FBXO25: variants seen among roughly 807,000 people sequenced by gnomAD.
FBXO25 encodes the protein F-box protein 25, also known as F-box only protein 25.
FBXO25 carries 45 observed loss-of-function variants against 51.9 expected under a neutral mutation model. That is an observed-to-expected ratio of 0.87 (90% confidence interval 0.68 to 1.11). The LOEUF is 1.11. Ranked by LOEUF, FBXO25 falls within the 50% of genes most tolerant of loss-of-function variation. FBXO25 has a pLI of 0.00. For synonymous variants in FBXO25, 199 were observed against 151.0 expected (o/e 1.32, Z -2.33); for missense variants, 507 against 428.5 (o/e 1.18, Z -1.62).
intron 5 of FBXO25, among the ~76,000 whole-genome samples, chr8:444,963 A>T (rs562600437): frequency 1.2e-4 from 19 of 152,246 alleles, no homozygotes; most frequent in Non-Finnish European, 2.1e-4. Flanking sequence ...CCATGACTGT[A>T]TAAAAAACTT....
At chr8:426,599 ATTG>A (rs1358327550) in intron 2 of FBXO25, among the ~76,000 whole-genome samples, 2 of 152,024 alleles carry the variant, frequency 1.3e-5, no homozygotes, top group South Asian at 4.2e-4. Context: ...TGTGGGAGGC[ATTG>A]TTTTGTGTAC....
rs1800608534 is a variant in FBXO25, at chr8:475,251, T to TA, written c.*6448dup. The TA allele has an allele frequency of 3.7e-6, 1 of 268,270 alleles. No homozygotes were observed. The highest frequency in any genetic ancestry group is 2.3e-5 in the African/African-American group (1 of 43,330). The allele number at this position is 268,270 out of a possible 1,614,324, so 16.6% of individuals were successfully genotyped here. A position where few individuals can be genotyped will look rare whatever the true frequency, so the allele number is the denominator to read the frequency against. On this transcript the variant is annotated 3_prime_UTR_variant, in exon 10 of 10. Transcript: ENST00000350302. ...GCACCATCAAAAATCATTTGACCCA[T>TA]ATGTGCAAGGGTTTATTTGGGGATT...
chr8:442,024 C>A (rs1352070416), intron 5 of FBXO25, among the ~76,000 whole-genome samples: 2 of 152,128 alleles, frequency 1.3e-5, no homozygotes. Flanking sequence ...AATGACCTGG[C>A]AAATTAGATG....
chr8:465,157 C>G (rs985609815), intron 9 of FBXO25, among the ~76,000 whole-genome samples: 2 of 151,986 alleles, frequency 1.3e-5, no homozygotes, highest in African/African-American at 4.8e-5. Context: ...GTCCAGGTTC[C>G]CAGCCAGCTT....
In FBXO25 at chr8:451,421, C is replaced by T; in HGVS notation, c.628C>T (p.Gln210Ter). 1 of 1,613,836 alleles carries T rather than the reference C, an allele frequency of 6.2e-7. No individual in the cohort carries two copies. Among genetic ancestry groups the T allele is most frequent in the Non-Finnish European group, 8.5e-7 (1 of 1,179,902 alleles). The stretch of plus-strand genomic sequence containing the variant: ...CCGATTAGAAACTATTCTCGCCTGG[C>T]AACAACAGCTACAGGATCTTCAGAT... ...ICRLETILAW[Q>*]QQLQDLQMTK... Residue 210 changes from glutamine (Q) to a stop codon, truncating the protein, a stop_gained, in exon 7 of 10, where the codon CAA becomes TAA. Coordinates refer to ENST00000350302, the MANE Select transcript of FBXO25 (RefSeq NM_183420.2). LOFTEE classifies it high-confidence loss of function.
chr8:435,842 C>T, intron 5 of FBXO25, 135 bp downstream of exon 5: 4 of 1,290,640 alleles, frequency 3.1e-6, no homozygotes, highest in Non-Finnish European at 4.2e-6. Context: ...AATCAAAAAA[C>T]AGAAGGGAAC....
rs2117613284 is a variant in FBXO25, at chr8:431,376, A to C, written c.170A>C (p.Asn57Thr). Residue 57 changes from asparagine to threonine, a missense_variant, in exon 3 of 10, where the codon AAT becomes ACT. Physicochemically the swap from Asn to Thr is moderately conservative, Grantham distance 65 (BLOSUM62 0). Coordinates refer to ENST00000350302, the MANE Select transcript of FBXO25 (RefSeq NM_183420.2). ...LNSEDGEIFN[N>T]EEHEYASKKR... ...AGTGAAGATGGAGAAATATTCAATA[A>C]TGAAGAGCATGAATATGCATCGAAA... 1 of 1,547,376 alleles carries C rather than the reference A, an allele frequency of 6.5e-7. No individual in the cohort carries two copies. Among genetic ancestry groups the C allele is most frequent in the Non-Finnish European group, 8.7e-7 (1 of 1,144,406 alleles).
intron 2 of FBXO25, 55 bp downstream of exon 2, chr8:413,268 T>C (rs1051428540): frequency 1.4e-6 from 2 of 1,434,754 alleles, no homozygotes; most frequent in Non-Finnish European, 1.8e-6. Flanking sequence ...TGTATGGCCT[T>C]ACCTATTTTT....
chr8:409,305 A>G (rs995002712), intron 1 of FBXO25, among the ~76,000 whole-genome samples: 3 of 152,242 alleles, frequency 2.0e-5, no homozygotes, highest in African/African-American at 7.2e-5. Context: ...TGTGAAGCAC[A>G]CACATCTTCA....
chr8:443,912 A>G (rs1253415529), intron 5 of FBXO25, among the ~76,000 whole-genome samples: 2 of 152,232 alleles, frequency 1.3e-5, no homozygotes, highest in Non-Finnish European at 2.9e-5. Flanking sequence ...CACACAGGCT[A>G]GCTGGGAAGC....
At chr8:461,447 G>C (rs7829356) in intron 8 of FBXO25, among the ~76,000 whole-genome samples, 16,908 of 152,186 alleles carry the variant, frequency 0.11, 1,050 homozygotes, top group Middle Eastern at 0.18. Context: ...GCATGTGCAG[G>C]GGAACTGCCC....
At chr8:417,686 C>T (rs1270586586) in intron 2 of FBXO25, among the ~76,000 whole-genome samples, 4 of 152,218 alleles carry the variant, frequency 2.6e-5, no homozygotes, top group Non-Finnish European at 5.9e-5. Context: ...TAATGCATTG[C>T]ATGTTCATCC....
At chr8:451,243 CAT>C in intron 6 of FBXO25, 24 bp from the exon 7 acceptor site, 1 of 1,571,966 alleles carries the variant, frequency 6.4e-7, no homozygotes, top group African/African-American at 1.4e-5. Context: ...TGTATCAATC[CAT>C]AGTTTTATTT....
Position 469,375 on chromosome 8 carries a change from C to T in FBXO25, c.*571C>T, listed in dbSNP as rs1781749899. On this transcript the variant is annotated 3_prime_UTR_variant, in exon 10 of 10. Coordinates refer to ENST00000350302, the MANE Select transcript of FBXO25 (RefSeq NM_183420.2). The stretch of plus-strand genomic sequence containing the variant: ...TATGGATCGGGGTATGAAGTGTGCA[C>T]ACGCAGCCCAACAACGGGCAGTGGT... The T allele has an allele frequency of 6.6e-6, 1 of 152,462 alleles. No individual in the cohort carries two copies. Among genetic ancestry groups the T allele is most frequent in the Non-Finnish European group, 1.5e-5 (1 of 68,282 alleles). 9.4% of individuals were successfully genotyped at this position (152,462 alleles called of 1,614,324 possible). A position where few individuals can be genotyped will look rare whatever the true frequency, so the allele number is the denominator to read the frequency against.
chr8:466,465 C>G (rs539826513), intron 9 of FBXO25, among the ~76,000 whole-genome samples: 1 of 152,336 alleles, frequency 6.6e-6, no homozygotes, highest in African/African-American at 2.4e-5. Flanking sequence ...GTTAGGGTCA[C>G]TGCTTGTTCT....
intron 5 of FBXO25, among the ~76,000 whole-genome samples, chr8:448,672 G>A (rs1407847631): frequency 1.3e-5 from 2 of 152,234 alleles, no homozygotes; most frequent in Non-Finnish European, 2.9e-5. Context: ...AGCAGAGTGT[G>A]AGTGGAGGGC....
At chr8:413,749 G>A (rs1584999712) in intron 2 of FBXO25, among the ~76,000 whole-genome samples, 3 of 152,330 alleles carry the variant, frequency 2.0e-5, no homozygotes, top group South Asian at 2.1e-4. Context: ...GGGTTGGTGA[G>A]ACACGACCTG....
At chr8:408,590 G>A (rs1333041519) in intron 1 of FBXO25, among the ~76,000 whole-genome samples, 2 of 152,238 alleles carry the variant, frequency 1.3e-5, no homozygotes, top group African/African-American at 4.8e-5. Context: ...ATTGTTTAGA[G>A]TAATGCGTAG....
intron 5 of FBXO25, among the ~76,000 whole-genome samples, chr8:442,422 C>A (rs1798483513): frequency 6.6e-6 from 1 of 151,868 alleles, no homozygotes; most frequent in Non-Finnish European, 1.5e-5. Context: ...TTTCTTCAAG[C>A]AAACTGCATA....
Sources: gnomAD v4.1 joint callset for allele counts (sites outside exome capture counted in the v4.1 genomes callset) on GRCh38, gnomAD v4.1.1 for gene constraint, MANE v1.5 for transcripts, NCBI Gene and HGNC (gene_info 2026-07-23, HGNC 2026-07-21) for gene names.